The following THSD7A variants were observed in gnomAD, a reference collection of about 807,000 sequenced individuals.
The protein encoded by THSD7A is thrombospondin type-1 domain-containing protein 7A.
In THSD7A, 96 loss-of-function variants were observed where a neutral mutation model predicts 231.3. The observed-to-expected ratio is 0.41, with a 90% CI of 0.35 to 0.49. The LOEUF (loss-of-function observed/expected upper bound fraction) is 0.49. Among genes scored for constraint, THSD7A ranks in the 20% least tolerant of loss-of-function variants. The pLI is 0.05. For synonymous variants in THSD7A, 940 were observed against 743.3 expected (o/e 1.26, Z -4.30); for missense variants, 2,290 against 2,070.2 (o/e 1.11, Z -2.06).
intron 1 of THSD7A, among the ~76,000 whole-genome samples, chr7:11,734,645 T>C (rs978453450): frequency 6.6e-6 from 1 of 151,988 alleles, no homozygotes; most frequent in African/African-American, 2.4e-5. Flanking sequence ...TCTTAGAACA[T>C]TGTTAATGAC....
At chr7:11,555,525 G>T (rs1005405087) in intron 4 of THSD7A, among the ~76,000 whole-genome samples, 1 of 151,862 alleles carries the variant, frequency 6.6e-6, no homozygotes, top group Non-Finnish European at 1.5e-5. Flanking sequence ...GAAAGAAGGT[G>T]AATTCTGCTG....
chr7:11,542,035 G>A lies in THSD7A; in HGVS notation c.1610-404C>T, dbSNP rs530526912. On this transcript the variant is annotated intron_variant, in intron 5 of 27. Coordinates refer to ENST00000423059, the MANE Select transcript of THSD7A (RefSeq NM_015204.3). The stretch of plus-strand genomic sequence containing the variant: ...AAATTTCAAGCTATTTAGAAATACC[G>A]ATGACCAGACAAAAGTGCTATTATT... Among the ~76,000 whole-genome samples the A allele has an allele frequency of 1.5e-4, 23 of 152,300 alleles. No homozygotes were observed. In the South Asian group the frequency reaches 3.7e-3, roughly 25 times the overall value.
intron 2 of THSD7A, among the ~76,000 whole-genome samples, chr7:11,619,852 G>A (rs570968638): frequency 6.6e-6 from 1 of 152,122 alleles, no homozygotes; most frequent in South Asian, 2.1e-4. Flanking sequence ...ATTTAACTCT[G>A]ATGCCTCTCT....
intron 1 of THSD7A, among the ~76,000 whole-genome samples, chr7:11,745,090 C>A (rs13312296): frequency 6.6e-6 from 1 of 152,058 alleles, no homozygotes; most frequent in Non-Finnish European, 1.5e-5. Flanking sequence ...TTCTCCACAT[C>A]CTCTCCAGCA....
intron 2 of THSD7A, among the ~76,000 whole-genome samples, chr7:11,635,016 C>A (rs181513580): frequency 3.6e-4 from 55 of 152,062 alleles, no homozygotes; most frequent in Admixed American, 3.2e-3. Context: ...AACATGCATG[C>A]CACACAGTCC....
intron 24 of THSD7A, among the ~76,000 whole-genome samples, chr7:11,381,536 A>T (rs980875196): frequency 6.6e-6 from 1 of 152,166 alleles, no homozygotes; most frequent in Non-Finnish European, 1.5e-5. Context: ...CTAAACAAAC[A>T]TCACTCAGAG....
At chr7:11,477,457 G>C (rs1054897914) in intron 7 of THSD7A, among the ~76,000 whole-genome samples, 3 of 152,082 alleles carry the variant, frequency 2.0e-5, no homozygotes, top group African/African-American at 4.8e-5. Flanking sequence ...GATTAAGGGG[G>C]TGTCTGTCAG....
At chr7:11,566,909 CTT>C (rs1434705566) in intron 4 of THSD7A, among the ~76,000 whole-genome samples, 4 of 143,924 alleles carry the variant, frequency 2.8e-5, no homozygotes, top group Non-Finnish European at 5.9e-5. Context: ...CATCTTAACT[CTT>C]TTGTGAGCTG....
At chr7:11,419,832 A>AC (rs1464202422) in intron 16 of THSD7A, among the ~76,000 whole-genome samples, 1 of 152,148 alleles carries the variant, frequency 6.6e-6, no homozygotes, top group Non-Finnish European at 1.5e-5. Context: ...GCTTATTGGG[A>AC]AGTGGAGTAA....
rs1781778689 is a variant in THSD7A at position 11,634,879 on chromosome 7, C to T, written c.1022+1251G>A. The stretch of plus-strand genomic sequence containing the variant: ...TTATCTAATTAAACTATATCCTTTT[C>T]CAAAAACACTTTAAACCAGATTTCA... On this transcript the variant is annotated intron_variant, in intron 2 of 27. Transcript: ENST00000423059. The surrounding 1 kb of genome is among the most constrained non-coding windows in gnomAD (Gnocchi z 4.1). 6.6e-6 allele frequency among the ~76,000 whole-genome samples: 1 copy of T among 151,772 alleles called. No individual in the cohort carries two copies. The highest frequency in any genetic ancestry group is 2.4e-5 in the African/African-American group (1 of 41,282).
chr7:11,715,930 T>C (rs1375086378), intron 1 of THSD7A, among the ~76,000 whole-genome samples: 1 of 151,516 alleles, frequency 6.6e-6, no homozygotes, highest in Non-Finnish European at 1.5e-5. Context: ...ACATTTTCAT[T>C]AAGGTACGAA....
chr7:11,533,767 C>T (rs1035904006), intron 6 of THSD7A, among the ~76,000 whole-genome samples: 1 of 152,086 alleles, frequency 6.6e-6, no homozygotes, highest in Non-Finnish European at 1.5e-5. Flanking sequence ...TCAGCACAAA[C>T]AGCTAATCCA....
chr7:11,537,910 C>A (rs1156538226), intron 6 of THSD7A, among the ~76,000 whole-genome samples: 1 of 152,184 alleles, frequency 6.6e-6, no homozygotes, highest in African/African-American at 2.4e-5. Context: ...TTACTAGAAG[C>A]CAGCCGGTTT....
At chr7:11,569,959 C>T (rs191102976) in intron 4 of THSD7A, among the ~76,000 whole-genome samples, 3 of 152,088 alleles carry the variant, frequency 2.0e-5, no homozygotes, top group Admixed American at 6.5e-5. Flanking sequence ...ATCACTTGAG[C>T]CTAGGAGTTG....
At position 11,634,834 on chromosome 7, in the gene THSD7A, A is replaced by G. The variant is rs1480874633; in HGVS notation, c.1022+1296T>C. On this transcript the variant is annotated intron_variant, in intron 2 of 27. Transcript: ENST00000423059. This position sits in a 1 kb window ranked among gnomAD's most constrained non-coding sequence, Gnocchi z 4.1. ...TGATGAGAGAAAGTTATTGTCTTAG[A>G]CAGACCAATCAATTTTTGTTTATCT... 6.6e-6 allele frequency among the ~76,000 whole-genome samples: 1 copy of G among 152,192 alleles called. No individual in the cohort carries two copies. The highest frequency in any genetic ancestry group is 1.5e-5 in the Non-Finnish European group (1 of 68,016).
chr7:11,552,232 G>C (rs1320811896), intron 4 of THSD7A, among the ~76,000 whole-genome samples: 1 of 151,672 alleles, frequency 6.6e-6, no homozygotes, highest in African/African-American at 2.4e-5. Flanking sequence ...TCATTACCTG[G>C]GTGATGAAAT....
At chr7:11,686,526 G>A (rs1348666851) in intron 1 of THSD7A, among the ~76,000 whole-genome samples, 4 of 151,798 alleles carry the variant, frequency 2.6e-5, no homozygotes, top group Non-Finnish European at 4.4e-5. Context: ...TTTAAGACAC[G>A]TGCACTTGCA....
At chr7:11,716,371 A>G (rs1221466323) in intron 1 of THSD7A, among the ~76,000 whole-genome samples, 2 of 151,712 alleles carry the variant, frequency 1.3e-5, no homozygotes, top group East Asian at 3.9e-4. Flanking sequence ...GTAAACAGGA[A>G]ATTACAATGT....
intron 1 of THSD7A, among the ~76,000 whole-genome samples, chr7:11,717,429 C>T (rs1781178211): frequency 6.6e-6 from 1 of 151,704 alleles, no homozygotes; most frequent in Admixed American, 6.6e-5. Flanking sequence ...ATTCCTACCT[C>T]TCCTCACCAC....
Sources: gnomAD v4.1 joint callset for allele counts (sites outside exome capture counted in the v4.1 genomes callset) on GRCh38, gnomAD v4.1.1 for gene constraint, Gnocchi (gnomAD v3.1) non-coding constraint, MANE v1.5 for transcripts, NCBI Gene and HGNC (gene_info 2026-07-23, HGNC 2026-07-21) for gene names.